PLLP: variants seen among roughly 807,000 people sequenced by gnomAD.
PLLP encodes the protein plasma membrane proteolipid (plasmolipin).
PLLP carries 15 observed loss-of-function variants against 19.7 expected under a neutral mutation model. The ratio of observed to expected loss-of-function variants is 0.76; its 90% CI spans 0.51 to 1.17. PLLP has a LOEUF of 1.17. Among genes scored for constraint, PLLP ranks in the 50% most tolerant of loss-of-function variants. The pLI, the probability that PLLP is intolerant of heterozygous loss-of-function variation, is 0.00. For missense variants in PLLP, 255 were observed against 258.3 expected (o/e 0.99, Z 0.09); for synonymous variants, 111 against 116.3 (o/e 0.95, Z 0.29).
At chr16:57,279,852 G>T (rs1009179713) in intron 1 of PLLP, among the ~76,000 whole-genome samples, 1 of 152,184 alleles carries the variant, frequency 6.6e-6, no homozygotes, top group Non-Finnish European at 1.5e-5. Flanking sequence ...GCTAGGTGAG[G>T]CTTTTGATCT....
chr16:57,283,001 A>G (rs538678228), intron 1 of PLLP, among the ~76,000 whole-genome samples: 1 of 152,194 alleles, frequency 6.6e-6, no homozygotes, highest in East Asian at 1.9e-4. Flanking sequence ...AGAGCATTCT[A>G]GCGGTGGCGG....
At chr16:57,267,900 GAAAGAAAAGA>G (rs1388522871) in intron 1 of PLLP, among the ~76,000 whole-genome samples, 1 of 150,198 alleles carries the variant, frequency 6.7e-6, no homozygotes, top group Non-Finnish European at 1.5e-5. Context: ...AAGAAAGAAA[GAAAGAAAAGA>G]AAAGAAAATA....
intron 1 of PLLP, among the ~76,000 whole-genome samples, chr16:57,278,503 G>A (rs1901180683): frequency 2.0e-5 from 3 of 152,176 alleles, no homozygotes; most frequent in African/African-American, 7.2e-5. Flanking sequence ...AGTGTAATCT[G>A]TACAGGTTTT....
Position 57,262,055 on chromosome 16 carries a change from C to A in PLLP, c.151G>T (p.Val51Leu), listed in dbSNP as rs1451339572. Residue 51 changes from valine to leucine, a missense_variant, in exon 2 of 4, where the codon GTG becomes TTG. By Grantham distance (32) the Val-to-Leu change is conservative. Transcript: ENST00000219207. ...GGGGTGTCCGCAATCAGCGCCCACA[C>A]CAGCAGCCCCAGCACCTAGGAGGGT... is the stretch of plus-strand genomic sequence containing the variant. ...MLLQLVLGLLVWALIADTPYH... is the reference protein window; with the variant it reads ...MLLQLVLGLLLWALIADTPYH... 5 of 1,614,104 alleles carry A rather than the reference C, an allele frequency of 3.1e-6. No homozygotes were observed. The African/African-American group carries it at 6.7e-5, about 22-fold the overall frequency.
intron 1 of PLLP, among the ~76,000 whole-genome samples, chr16:57,283,758 T>TG (rs1901247269): frequency 6.6e-6 from 1 of 152,192 alleles, no homozygotes; most frequent in South Asian, 2.1e-4. Context: ...CCCGTGGGGC[T>TG]GGCTAAACCG....
intron 1 of PLLP, among the ~76,000 whole-genome samples, chr16:57,275,669 A>G (rs1901144591): frequency 7.3e-6 from 1 of 136,796 alleles, no homozygotes; most frequent in Admixed American, 7.2e-5. Context: ...AAACACCATG[A>G]GAGGGGGAAA....
chr16:57,278,454 C>A (rs1901180042), intron 1 of PLLP, among the ~76,000 whole-genome samples: 3 of 152,202 alleles, frequency 2.0e-5, no homozygotes, highest in African/African-American at 7.2e-5. Flanking sequence ...AAATAGTTGT[C>A]CCCTTAGGGA....
intron 1 of PLLP, among the ~76,000 whole-genome samples, chr16:57,277,635 G>C (rs76714740): frequency 0.02 from 2,999 of 152,216 alleles, 87 homozygotes; most frequent in African/African-American, 0.067. Context: ...AGGTAATAAA[G>C]GTATGAAAAA....
At chr16:57,271,172 G>A (rs1050211145) in intron 1 of PLLP, among the ~76,000 whole-genome samples, 3 of 151,958 alleles carry the variant, frequency 2.0e-5, no homozygotes, top group Non-Finnish European at 4.4e-5. Context: ...AATGCCAAAC[G>A]CAGAAGAAGT....
intron 1 of PLLP, among the ~76,000 whole-genome samples, chr16:57,278,110 C>T (rs1901175672): frequency 6.6e-6 from 1 of 152,102 alleles, no homozygotes; most frequent in Admixed American, 6.6e-5. Context: ...GAGGCAGAGA[C>T]AGGCAGATCA....
chr16:57,259,575 G>T (rs1425755630), intron 2 of PLLP, among the ~76,000 whole-genome samples: 1 of 152,166 alleles, frequency 6.6e-6, no homozygotes, highest in East Asian at 1.9e-4. Flanking sequence ...CAAACGCCTG[G>T]TCCTCAAACA....
At position 57,281,517 on chromosome 16, in the gene PLLP, C is replaced by CTTTTTTTTTT. The variant is rs771314004; in HGVS notation, c.135+2879_135+2888dup. Among the ~76,000 whole-genome samples, 97 of 130,140 alleles carry CTTTTTTTTTT rather than the reference C, an allele frequency of 7.5e-4. 2 individuals carry two copies. The highest frequency in any genetic ancestry group is 2.6e-3 in the African/African-American group (83 of 32,310). 85.4% of individuals were successfully genotyped at this position (130,140 alleles called of 152,430 possible). On this transcript the variant is annotated intron_variant, in intron 1 of 3. Coordinates refer to ENST00000219207, the MANE Select transcript of PLLP (RefSeq NM_015993.3). ...CAACAAGCAGATTTTTTTTTTATTTCTTTTTTTTTTTGAGACGGAGTCTCT... is the reference window on the plus strand; with the variant it reads ...CAACAAGCAGATTTTTTTTTTATTTCTTTTTTTTTTTTTTTTTTTTTGAGACGGAGTCTCT...
At chr16:57,280,475 T>C (rs533620017) in intron 1 of PLLP, among the ~76,000 whole-genome samples, 2 of 152,214 alleles carry the variant, frequency 1.3e-5, no homozygotes, top group African/African-American at 4.8e-5. Context: ...CACAAAAATC[T>C]GTAGCACTGA....
chr16:57,275,941 C>A (rs1477938566), intron 1 of PLLP, among the ~76,000 whole-genome samples: 2 of 152,148 alleles, frequency 1.3e-5, no homozygotes, highest in East Asian at 3.9e-4. Flanking sequence ...TATAGTGAGA[C>A]CATGTCTCTA....
chr16:57,283,152 G>C (rs1034176016), intron 1 of PLLP, among the ~76,000 whole-genome samples: 9 of 152,178 alleles, frequency 5.9e-5, no homozygotes, highest in African/African-American at 1.9e-4. Flanking sequence ...TGTTAAAAAT[G>C]AATTTCTGGC....
At position 57,261,988 on chromosome 16, in the gene PLLP, G is replaced by A. The variant is rs1383333421; in HGVS notation, c.218C>T (p.Ala73Val). The A allele has an allele frequency of 6.2e-7, 1 of 1,614,042 alleles. No individual in the cohort carries two copies. Among genetic ancestry groups the A allele is most frequent in the Non-Finnish European group, 8.5e-7 (1 of 1,180,022 alleles). ...YPAYGWVMFV[A>V]VFLWLVTIVL... is the part of the protein sequence containing the mutation. ...GATTGTCACCAGCCAGAGGAAGACAGCGACGAACATCACCCAGCCATAGGC... is the reference window on the plus strand; with the variant it reads ...GATTGTCACCAGCCAGAGGAAGACAACGACGAACATCACCCAGCCATAGGC... The change falls in exon 2 of 4, where the codon GCT (alanine) becomes GTT (valine). Residue 73 changes from alanine (A) to valine (V), a missense_variant. Coordinates refer to ENST00000219207, the MANE Select transcript of PLLP (RefSeq NM_015993.3).
intron 1 of PLLP, among the ~76,000 whole-genome samples, chr16:57,266,863 CTTTTTTTT>C (rs34562097): frequency 1.0e-5 from 1 of 97,338 alleles, no homozygotes; most frequent in African/African-American, 3.9e-5. Context: ...GGCACAGGGC[CTTTTTTTT>C]TTTTTTTTTT....
rs183275949 is a variant in PLLP at position 57,271,400 on chromosome 16, T to C, written c.136-9330A>G. On this transcript the variant is annotated intron_variant, in intron 1 of 3. Coordinates refer to ENST00000219207, the MANE Select transcript of PLLP (RefSeq NM_015993.3). ...GGCTCACACCTGTAATTCCAGCACTTTGGGAGGTCAAGGCAGGTGGATCAC... is the reference window on the plus strand; with the variant it reads ...GGCTCACACCTGTAATTCCAGCACTCTGGGAGGTCAAGGCAGGTGGATCAC... 2.0e-5 allele frequency among the ~76,000 whole-genome samples: 3 copies of C among 152,114 alleles called. No homozygotes were observed. In the East Asian group the frequency reaches 5.8e-4, roughly 30 times the overall value.
intron 1 of PLLP, chr16:57,263,214 C>T (rs1388587495): frequency 6.6e-6 from 1 of 152,262 alleles, no homozygotes; most frequent in Non-Finnish European, 1.5e-5. Flanking sequence ...CCCTTCTATA[C>T]AGGTGTTGCC....
Sources: gnomAD v4.1 joint callset for allele counts (sites outside exome capture counted in the v4.1 genomes callset) on GRCh38, gnomAD v4.1.1 for gene constraint, MANE v1.5 for transcripts, NCBI Gene and HGNC (gene_info 2026-07-23, HGNC 2026-07-21) for gene names.